CYP2S1: variants seen among roughly 807,000 people sequenced by gnomAD.
The protein encoded by CYP2S1 is cytochrome P450 family 2 subfamily S member 1, also known as cytochrome P450 2S1.
A neutral mutation model predicts 43.5 loss-of-function variants in CYP2S1; 32 were observed. The ratio of observed to expected loss-of-function variants is 0.74; its 90% confidence interval spans 0.56 to 0.99. CYP2S1 has a LOEUF of 0.99. Among genes scored for constraint, CYP2S1 ranks in the 50% least tolerant of loss-of-function variants. The pLI, the probability that CYP2S1 is intolerant of heterozygous loss-of-function variation, is 0.00. For missense variants in CYP2S1, 575 were observed against 673.9 expected (o/e 0.85, Z 1.62); for synonymous variants, 283 against 302.9 (o/e 0.93, Z 0.68).
At chr19:41,205,458 TC>T (rs1361885578) in intron 7 of CYP2S1, among the ~76,000 whole-genome samples, 1 of 125,072 alleles carries the variant, frequency 8.0e-6, no homozygotes, top group Non-Finnish European at 1.6e-5. Flanking sequence ...TTTCTTTCTC[TC>T]TCTCTCTCTT....
At chr19:41,199,881 A>G (rs1407566245) in intron 5 of CYP2S1, among the ~76,000 whole-genome samples, 2 of 151,882 alleles carry the variant, frequency 1.3e-5, no homozygotes, top group African/African-American at 4.8e-5. Flanking sequence ...GAGGCAGGAG[A>G]ATCGCTTGAA....
intron 2 of CYP2S1, among the ~76,000 whole-genome samples, chr19:41,197,513 A>C (rs932461687): frequency 2.0e-5 from 3 of 152,102 alleles, no homozygotes; most frequent in Non-Finnish European, 4.4e-5. Flanking sequence ...ATCCTGGCTA[A>C]CACAGTGAAA....
In CYP2S1 at chr19:41,203,552, C is replaced by T. The variant is rs149333675; in HGVS notation, c.1079C>T (p.Ala360Val). 1.8e-4 allele frequency: 284 copies of T among 1,586,460 alleles called. No individual in the cohort carries two copies. The African/African-American group carries it at 3.2e-3, about 18-fold the overall frequency. ...TACACCGACGCGGTTCTGCATGAGG[C>T]GCAGCGGCTGCTGGCGCTGGTGCCC... ...LPYTDAVLHEAQRLLALVPMG... is the reference protein window; with the variant it reads ...LPYTDAVLHEVQRLLALVPMG... The change falls in exon 7 of 9, where the codon GCG (alanine) becomes GTG (valine). Residue 360 changes from alanine to valine, a missense_variant. Transcript: ENST00000310054.
intron 7 of CYP2S1, among the ~76,000 whole-genome samples, chr19:41,204,944 C>G (rs562427247): frequency 4.9e-4 from 74 of 152,100 alleles, no homozygotes; most frequent in African/African-American, 1.7e-3. Flanking sequence ...CACTTCCCCC[C>G]CTGAACCTCA....
chr19:41,202,747 G>A (rs1056682024), intron 6 of CYP2S1, among the ~76,000 whole-genome samples: 6 of 151,562 alleles, frequency 4.0e-5, no homozygotes, highest in Non-Finnish European at 7.4e-5. Flanking sequence ...ACAGTGAGCC[G>A]TCATTGTACT....
At chr19:41,199,826 C>T (rs1007826521) in intron 5 of CYP2S1, among the ~76,000 whole-genome samples, 5 of 151,766 alleles carry the variant, frequency 3.3e-5, no homozygotes, top group African/African-American at 9.7e-5. Flanking sequence ...CAAAATTAGC[C>T]GGACGTGGTG....
chr19:41,200,408 T>C (rs1255795466), intron 5 of CYP2S1, among the ~76,000 whole-genome samples: 1 of 152,050 alleles, frequency 6.6e-6, no homozygotes, highest in Non-Finnish European at 1.5e-5. Context: ...AGTCTCACTC[T>C]GTCACCCAGG....
At chr19:41,199,019 G>T in intron 5 of CYP2S1, 131 bp downstream of exon 5, 1 of 1,166,986 alleles carries the variant, frequency 8.6e-7, no homozygotes, top group Non-Finnish European at 1.2e-6. Context: ...GTGAGTATGA[G>T]TGTCTCTGTG....
chr19:41,197,862 C>A lies in CYP2S1; in HGVS notation c.427C>A (p.Arg143=). The change falls in exon 3 of 9, where the codon CGA becomes AGA. Residue 143 remains arginine, a synonymous_variant. Coordinates refer to ENST00000310054, the MANE Select transcript of CYP2S1 (RefSeq NM_030622.8). ...TCTGCGGGACCTGGGCATGGGGAAG[C>A]GAGAAGGCGAGGAGCTGATCCAGGC... The part of the protein sequence containing the change: ...LALRDLGMGK[R]EGEELIQAEA... 6.2e-7 allele frequency: 1 copy of A among 1,614,072 alleles called. No homozygotes were observed. Among genetic ancestry groups the A allele is most frequent in the South Asian group, 1.1e-5 (1 of 91,080 alleles).
At chr19:41,197,750 TC>T (rs1454431179) in intron 2 of CYP2S1, 28 bp from the exon 3 acceptor site, 1 of 1,609,120 alleles carries the variant, frequency 6.2e-7, no homozygotes, top group South Asian at 1.1e-5. Context: ...GAGGGGCCGG[TC>T]CCTTTTTGAG....
At chr19:41,205,711 A>G (rs7252107) in intron 7 of CYP2S1, among the ~76,000 whole-genome samples, 29,358 of 151,644 alleles carry the variant, frequency 0.19, 3,124 homozygotes, top group East Asian at 0.34. Context: ...TCCTAGAGAC[A>G]AGGTCTTGTT....
In CYP2S1 at chr19:41,207,387, G is replaced by C. The variant is rs543971280; in HGVS notation, c.*899G>C. 2 of 160,784 alleles carry C rather than the reference G, an allele frequency of 1.2e-5. No homozygotes were observed. Among genetic ancestry groups the C allele is most frequent in the Non-Finnish European group, 2.8e-5 (2 of 72,516 alleles). 10.0% of individuals were successfully genotyped at this position (160,784 alleles called of 1,614,324 possible). A position where few individuals can be genotyped will look rare whatever the true frequency, so the allele number is the denominator to read the frequency against. On this transcript the variant is annotated 3_prime_UTR_variant, in exon 9 of 9. Coordinates refer to ENST00000310054, the MANE Select transcript of CYP2S1 (RefSeq NM_030622.8). The stretch of plus-strand genomic sequence containing the variant: ...CACTGATCTACAGCCCCTGTTCGGC[G>C]TCAGAGTCCCCACTAGACCCAGTGG...
Position 41,205,979 on chromosome 19 carries a change from C to T in CYP2S1, c.1186C>T (p.Leu396Phe). ...TCAGGGCACGGAGGTCTTCCCCCTCCTTGGCTCCATCCTGCATGACCCCAA... is the reference window on the plus strand; with the variant it reads ...TCAGGGCACGGAGGTCTTCCCCCTCTTTGGCTCCATCCTGCATGACCCCAA... ...LPQGTEVFPL[L>F]GSILHDPNIF... is the part of the protein sequence containing the mutation. The change falls in exon 8 of 9, where the codon CTT becomes TTT. Residue 396 changes from leucine (L) to phenylalanine (F), a missense_variant. Transcript: ENST00000310054. The T allele has an allele frequency of 6.2e-7, 1 of 1,613,998 alleles. No individual in the cohort carries two copies.
At chr19:41,193,648 C>A in intron 1 of CYP2S1, 1 of 1,054,834 alleles carries the variant, frequency 9.5e-7, no homozygotes, top group Non-Finnish European at 1.2e-6. Context: ...GAGAGAGGAT[C>A]GTGGGGTGGG....
In CYP2S1 at chr19:41,193,233, C is replaced by T; in HGVS notation, c.-32C>T. On this transcript the variant is annotated 5_prime_UTR_variant, in exon 1 of 9. Transcript: ENST00000310054. ...CTAACTAGCCCAGCCGCGCGGAGCG[C>T]CTGGGAGAGGAGAAGGAGCCGACCT... The T allele has an allele frequency of 6.0e-6, 9 of 1,508,938 alleles. No homozygotes were observed. Among genetic ancestry groups the T allele is most frequent in the Non-Finnish European group, 7.9e-6 (9 of 1,135,040 alleles). The allele number at this position is 1,508,938 out of a possible 1,614,324, so 93.5% of individuals were successfully genotyped here.
At chr19:41,194,293 G>T (rs2033381170) in intron 1 of CYP2S1, among the ~76,000 whole-genome samples, 1 of 152,068 alleles carries the variant, frequency 6.6e-6, no homozygotes, top group African/African-American at 2.4e-5. Flanking sequence ...AGAGGTTAGG[G>T]TTCAGCAGGA....
intron 5 of CYP2S1, among the ~76,000 whole-genome samples, chr19:41,200,202 A>C (rs981520954): frequency 2.0e-5 from 3 of 152,134 alleles, no homozygotes; most frequent in African/African-American, 7.2e-5. Flanking sequence ...TTTTAACTAT[A>C]GTAAAATACA....
intron 6 of CYP2S1, among the ~76,000 whole-genome samples, chr19:41,203,124 A>G (rs1036072395): frequency 2.6e-5 from 4 of 151,852 alleles, no homozygotes; most frequent in African/African-American, 9.7e-5. Context: ...AGGCGGGAGA[A>G]TCGCTTGAAT....
At position 41,198,754 on chromosome 19, in the gene CYP2S1, C is replaced by G; in HGVS notation, c.700C>G (p.His234Asp). Residue 234 changes from histidine to aspartate, a missense_variant, in exon 5 of 9, where the codon CAC becomes GAC. Physicochemically the swap from His to Asp is moderately conservative, Grantham distance 81. Coordinates refer to ENST00000310054, the MANE Select transcript of CYP2S1 (RefSeq NM_030622.8). This position sits in a 1 kb window ranked among gnomAD's most constrained non-coding sequence, Gnocchi z 4.9. ...SWFLRPLPGP[H>D]KQLLHHVSTL... ...GTTCCTGCGGCCCCTGCCAGGCCCCCACAAGCAGCTCCTCCACCACGTCAG... is the reference window on the plus strand; with the variant it reads ...GTTCCTGCGGCCCCTGCCAGGCCCCGACAAGCAGCTCCTCCACCACGTCAG... The G allele has an allele frequency of 6.2e-7, 1 of 1,614,232 alleles. No individual in the cohort carries two copies. The highest frequency in any genetic ancestry group is 8.5e-7 in the Non-Finnish European group (1 of 1,180,028).
Sources: gnomAD v4.1 joint callset for allele counts (sites outside exome capture counted in the v4.1 genomes callset) on GRCh38, gnomAD v4.1.1 for gene constraint, Gnocchi (gnomAD v3.1) non-coding constraint, MANE v1.5 for transcripts, NCBI Gene and HGNC (gene_info 2026-07-23, HGNC 2026-07-21) for gene names.